CCDC144A: variants seen among roughly 807,000 people sequenced by gnomAD.
CCDC144A encodes coiled-coil domain-containing protein 144A.
In CCDC144A, 41 loss-of-function variants were observed where a neutral mutation model predicts 143.8. The observed-to-expected ratio is 0.29, with a 90% CI of 0.22 to 0.37. The LOEUF is 0.37. Among genes scored for constraint, CCDC144A ranks in the 10% least tolerant of loss-of-function variants. CCDC144A has a pLI of 1.00. For synonymous variants in CCDC144A, 242 were observed against 517.9 expected (o/e 0.47, Z 7.23); for missense variants, 637 against 1,488.8 (o/e 0.43, Z 9.41).
intron 15 of CCDC144A, chr17:16,766,585 C>G (rs1418644643): frequency 4.6e-5 from 7 of 152,264 alleles, no homozygotes; most frequent in Admixed American, 2.0e-4. Context: ...AATAAAAATA[C>G]AAAAATTAGC....
At chr17:16,667,577 GCT>G in the CCDC144A span, among the ~76,000 whole-genome samples, 813 of 152,008 alleles carry the variant, frequency 5.3e-3, 10 homozygotes, top group Non-Finnish European at 6.7e-3. Context: ...TTTCTCTCCG[GCT>G]GCTCAGCCAC....
chr17:16,672,440 C>T, the CCDC144A span, among the ~76,000 whole-genome samples: 1 of 151,544 alleles, frequency 6.6e-6, no homozygotes, highest in Non-Finnish European at 1.5e-5. Flanking sequence ...AGCAAAACTC[C>T]ATCTCAAAAA....
intron 11 of CCDC144A, among the ~76,000 whole-genome samples, chr17:16,733,314 A>G (rs1913834005): frequency 7.0e-6 from 1 of 142,406 alleles, no homozygotes; most frequent in African/African-American, 2.6e-5. Context: ...ATCCTGGCTA[A>G]CGCGGTGAAA....
chr17:16,729,668 G>A (rs1913622794), intron 9 of CCDC144A, among the ~76,000 whole-genome samples: 1 of 151,532 alleles, frequency 6.6e-6, no homozygotes, highest in Non-Finnish European at 1.5e-5. Flanking sequence ...CTATTCTCCT[G>A]CCTCAGCCTC....
chr17:16,720,787 A>G, intron 8 of CCDC144A, 129 bp downstream of exon 8: 1 of 1,456,572 alleles, frequency 6.9e-7, no homozygotes, highest in Non-Finnish European at 9.1e-7. Flanking sequence ...ATAGAGAACT[A>G]ACTTATACTC....
At position 16,723,889 on chromosome 17, in the gene CCDC144A, C is replaced by T. The variant is rs566725488; in HGVS notation, c.1891+3231C>T. On this transcript the variant is annotated intron_variant, in intron 8 of 16. Coordinates refer to ENST00000399273, the MANE Select transcript of CCDC144A (RefSeq NM_001382000.1). ...CTGCTTGCTTTGAGTTTAATTTGTT[C>T]TTCTTCTTTTTCAGTTTCTTCTCTT... 1.7e-4 allele frequency among the ~76,000 whole-genome samples: 26 copies of T among 152,124 alleles called. No homozygotes were observed. The East Asian group carries it at 4.1e-3, about 24-fold the overall frequency.
intron 15 of CCDC144A, among the ~76,000 whole-genome samples, chr17:16,771,222 G>A (rs985520060): frequency 9.9e-5 from 15 of 152,206 alleles, no homozygotes; most frequent in African/African-American, 3.4e-4. Flanking sequence ...CTTAAAAAAT[G>A]GGTACTAATT....
intron 12 of CCDC144A, among the ~76,000 whole-genome samples, chr17:16,743,899 A>G (rs1177842513): frequency 1.3e-5 from 2 of 152,218 alleles, no homozygotes; most frequent in African/African-American, 4.8e-5. Context: ...TGTGTACCCA[A>G]TGTTTAGCTC....
At chr17:16,700,389 C>G (rs1911667182) in intron 2 of CCDC144A, among the ~76,000 whole-genome samples, 1 of 152,156 alleles carries the variant, frequency 6.6e-6, no homozygotes, top group Admixed American at 6.5e-5. Flanking sequence ...TCACATGTAA[C>G]AAAACTCTAG....
the CCDC144A span, chr17:16,683,829 C>T: frequency 5.7e-6 from 8 of 1,401,490 alleles, no homozygotes; most frequent in Non-Finnish European, 8.1e-6. Flanking sequence ...GTGAAGCCGG[C>T]GCCTCCAGTT....
At position 16,739,359 on chromosome 17, in the gene CCDC144A, G is replaced by A. The variant is rs557737320; in HGVS notation, c.3372+3716G>A. 9.5e-3 allele frequency among the ~76,000 whole-genome samples: 1,264 copies of A among 133,516 alleles called. 24 individuals carry two copies. The highest frequency in any genetic ancestry group is 0.035 in the African/African-American group (1,184 of 33,992). 87.6% of individuals were successfully genotyped at this position (133,516 alleles called of 152,430 possible). On this transcript the variant is annotated intron_variant, in intron 12 of 16. Transcript: ENST00000399273. ...TGAGCTCAAGCAATCCTCCCACCTC[G>A]GCCTCCCAAGTGTTGGGATTATAGG... is the stretch of plus-strand genomic sequence containing the variant.
intron 6 of CCDC144A, among the ~76,000 whole-genome samples, chr17:16,713,621 G>A (rs1023691510): frequency 1.2e-4 from 18 of 152,078 alleles, no homozygotes; most frequent in African/African-American, 4.3e-4. Flanking sequence ...TTATGTATAA[G>A]CATGAGCAAA....
At chr17:16,673,324 G>A in the CCDC144A span, among the ~76,000 whole-genome samples, 16 of 150,332 alleles carry the variant, frequency 1.1e-4, no homozygotes, top group African/African-American at 3.9e-4. Flanking sequence ...CCCCCCAAAA[G>A]TTCATTTTTT....
At chr17:16,715,966 A>G (rs973050935) in intron 6 of CCDC144A, among the ~76,000 whole-genome samples, 1 of 152,164 alleles carries the variant, frequency 6.6e-6, no homozygotes, top group African/African-American at 2.4e-5. Flanking sequence ...CTGATGATTG[A>G]CTGTATTTAC....
intron 12 of CCDC144A, among the ~76,000 whole-genome samples, chr17:16,759,395 G>A (rs986564219): frequency 1.2e-4 from 18 of 152,264 alleles, no homozygotes; most frequent in Non-Finnish European, 1.5e-4. Context: ...GTCAGAAAAT[G>A]GTGAGTCGAA....
At chr17:16,712,410 G>A (rs1912508050) in intron 6 of CCDC144A, among the ~76,000 whole-genome samples, 1 of 151,986 alleles carries the variant, frequency 6.6e-6, no homozygotes, top group Non-Finnish European at 1.5e-5. Context: ...TTTTTGTAGG[G>A]TAATTTAGTA....
At chr17:16,685,055 T>C (rs541741382), upstream of CCDC144A, among the ~76,000 whole-genome samples, 1 of 152,356 alleles carries the variant, frequency 6.6e-6, no homozygotes, top group African/African-American at 2.4e-5. Context: ...TGGTTTGGTT[T>C]TTGAGACAGG....
the CCDC144A span, among the ~76,000 whole-genome samples, chr17:16,668,766 A>T: frequency 6.6e-6 from 1 of 152,194 alleles, no homozygotes; most frequent in Non-Finnish European, 1.5e-5. Flanking sequence ...AACAAGAGAC[A>T]TTTATTTTTC....
chr17:16,756,658 G>T (rs914836536), intron 12 of CCDC144A, among the ~76,000 whole-genome samples: 14 of 150,574 alleles, frequency 9.3e-5, no homozygotes, highest in East Asian at 2.0e-4. Flanking sequence ...TGTTACTGGA[G>T]AATTACTCTG....
Sources: gnomAD v4.1 joint callset for allele counts (sites outside exome capture counted in the v4.1 genomes callset) on GRCh38, gnomAD v4.1.1 for gene constraint, MANE v1.5 for transcripts, NCBI Gene and HGNC (gene_info 2026-07-23, HGNC 2026-07-21) for gene names.